The following ARIH2 variants were observed in gnomAD, a reference collection of about 807,000 sequenced individuals.
ARIH2 encodes the protein E3 ubiquitin-protein ligase ARIH2.
In ARIH2, 12 loss-of-function variants were observed where a neutral mutation model predicts 79.8. The ratio of observed to expected loss-of-function variants is 0.15; its 90% CI spans 0.10 to 0.24. The LOEUF is 0.24. Ranked by LOEUF, ARIH2 falls within the 10% of genes least tolerant of loss-of-function variation. ARIH2 has a pLI of 1.00. For missense variants in ARIH2, 301 were observed against 618.3 expected (o/e 0.49, Z 5.44); for synonymous variants, 224 against 213.9 (o/e 1.05, Z -0.41).
At chr3:48,943,620 A>G (rs2088670277) in intron 3 of ARIH2, 1 of 152,170 alleles carries the variant, frequency 6.6e-6, no homozygotes. Context: ...CTTCCTGTTT[A>G]TATAGTTTTA....
chr3:48,950,566 G>A (rs986611125), intron 3 of ARIH2, among the ~76,000 whole-genome samples: 2 of 152,098 alleles, frequency 1.3e-5, no homozygotes, highest in African/African-American at 4.8e-5. Flanking sequence ...TTATTAAAAA[G>A]CTTGTGATTT....
chr3:48,952,606 G>A (rs1389247843), intron 3 of ARIH2, among the ~76,000 whole-genome samples: 2 of 152,132 alleles, frequency 1.3e-5, no homozygotes, highest in Admixed American at 6.6e-5. Context: ...GGACACTGGA[G>A]TGGTGATGAT....
chr3:48,940,259 A>T (rs2087891599), intron 3 of ARIH2, among the ~76,000 whole-genome samples: 1 of 152,126 alleles, frequency 6.6e-6, no homozygotes, highest in South Asian at 2.1e-4. Context: ...AATCCCAGCT[A>T]CTCGGGAGGC....
chr3:48,927,484 T>A lies in ARIH2; in HGVS notation c.-75T>A. On this transcript the variant is annotated 5_prime_UTR_variant, in exon 3 of 16. The change creates a premature stop within an existing upstream ORF in the 5' untranslated region. Coordinates refer to ENST00000356401, the MANE Select transcript of ARIH2 (RefSeq NM_006321.4). ...TAGAAGACAAAAATACTAATGCATT[T>A]GAGAAAGCGGTAGTTTTGGGGGGAG... 1 of 1,543,752 alleles carries A rather than the reference T, an allele frequency of 6.5e-7. No homozygotes were observed. Among genetic ancestry groups the A allele is most frequent in the Non-Finnish European group, 8.7e-7 (1 of 1,146,212 alleles).
chr3:48,959,970 T>C lies in ARIH2; in HGVS notation c.256-1642T>C, dbSNP rs141782523. 2.0e-3 allele frequency among the ~76,000 whole-genome samples: 298 copies of C among 152,358 alleles called. 3 individuals are homozygous for C. In the Middle Eastern group the frequency reaches 0.02, roughly 10 times the overall value. ...GTGTGTCTTCCCTCTGCTGCAGTTC[T>C]TATCTGTGGACCAGGCACATACTAC... On this transcript the variant is annotated intron_variant, in intron 3 of 15. Transcript: ENST00000356401.
At chr3:48,979,910 C>A in intron 12 of ARIH2, 2 of 339,842 alleles carry the variant, frequency 5.9e-6, no homozygotes, top group Non-Finnish European at 1.1e-5. Flanking sequence ...CCATCTAGTA[C>A]CATCTTTTTT....
intron 11 of ARIH2, among the ~76,000 whole-genome samples, chr3:48,976,329 G>C (rs1159307281): frequency 6.7e-6 from 1 of 150,364 alleles, no homozygotes; most frequent in African/African-American, 2.5e-5. Flanking sequence ...TTCTCACTCC[G>C]CCTCCCCAGT....
At chr3:48,941,171 C>CAA (rs11353326) in intron 3 of ARIH2, among the ~76,000 whole-genome samples, 10 of 132,010 alleles carry the variant, frequency 7.6e-5, no homozygotes, top group Non-Finnish European at 9.7e-5. Context: ...GACTCCGTCT[C>CAA]AAAAAAAAAA....
chr3:48,958,314 C>G (rs1183863537), intron 3 of ARIH2, among the ~76,000 whole-genome samples: 2 of 152,142 alleles, frequency 1.3e-5, no homozygotes, highest in African/African-American at 4.8e-5. Flanking sequence ...AAACAAGACC[C>G]TGTCTGTAAA....
Position 48,961,574 on chromosome 3 carries a change from G to A in ARIH2, c.256-38G>A, listed in dbSNP as rs369493966. On this transcript the variant is annotated intron_variant, in intron 3 of 15. Coordinates refer to ENST00000356401, the MANE Select transcript of ARIH2 (RefSeq NM_006321.4). ...AATGCGAAACACTTTAAAAGAAAAT[G>A]CAGTTATAATTCGATTTTTTTTCTT... 685 of 1,269,806 alleles carry A rather than the reference G, an allele frequency of 5.4e-4. 7 individuals are homozygous for A. In the South Asian group the frequency reaches 7.8e-3, roughly 15 times the overall value. 78.7% of individuals were successfully genotyped at this position (1,269,806 alleles called of 1,614,324 possible). A position where few individuals can be genotyped will look rare whatever the true frequency, so the allele number is the denominator to read the frequency against.
chr3:48,944,054 T>C (rs967499293), intron 3 of ARIH2, among the ~76,000 whole-genome samples: 3 of 152,210 alleles, frequency 2.0e-5, no homozygotes, highest in African/African-American at 7.2e-5. Flanking sequence ...GGCATTCCCC[T>C]GGAAGTCTGT....
At chr3:48,978,483 AT>A (rs58279033) in intron 11 of ARIH2, among the ~76,000 whole-genome samples, 1,111 of 40,398 alleles carry the variant, frequency 0.028, 13 homozygotes, top group Admixed American at 0.055. Flanking sequence ...ATATATATAT[AT>A]TTTTTTTTTT....
At chr3:48,967,445 C>A (rs1433104891) in intron 6 of ARIH2, among the ~76,000 whole-genome samples, 170 bp downstream of exon 6, 1 of 152,108 alleles carries the variant, frequency 6.6e-6, no homozygotes, top group Admixed American at 6.6e-5. Context: ...CAAAGTTTTC[C>A]CCAGTCCTCA....
In ARIH2 at chr3:48,983,420, T is replaced by C; in HGVS notation, c.*150T>C. The C allele has an allele frequency of 1.4e-6, 1 of 699,268 alleles. No homozygotes were observed. Among genetic ancestry groups the C allele is most frequent in the East Asian group, 2.5e-5 (1 of 39,908 alleles). The allele number at this position is 699,268 out of a possible 1,614,324, so 43.3% of individuals were successfully genotyped here. ...ACACTGGCAACACCTCTTAGTTGAT[T>C]TCTGTTTTCTTCTCTTTTCACTTTT... On this transcript the variant is annotated 3_prime_UTR_variant, in exon 16 of 16. Transcript: ENST00000356401.
chr3:48,933,652 C>G (rs1469239141), intron 3 of ARIH2, among the ~76,000 whole-genome samples: 1 of 150,530 alleles, frequency 6.6e-6, no homozygotes, highest in Non-Finnish European at 1.5e-5. Context: ...CGGGTTCATA[C>G]CATTCTCCTG....
At chr3:48,956,910 T>C (rs2090659689) in intron 3 of ARIH2, among the ~76,000 whole-genome samples, 1 of 152,088 alleles carries the variant, frequency 6.6e-6, no homozygotes, top group Admixed American at 6.5e-5. Context: ...TTTCACCATG[T>C]TGGCCACAAC....
intron 2 of ARIH2, among the ~76,000 whole-genome samples, chr3:48,926,298 G>T (rs1011868447): frequency 6.6e-6 from 1 of 150,764 alleles, no homozygotes; most frequent in Non-Finnish European, 1.5e-5. Flanking sequence ...ACGGAGTTTC[G>T]CTTTTATTGC....
In ARIH2 at chr3:48,982,772, G is replaced by A. The variant is rs954528839; in HGVS notation, c.1327-124G>A. The stretch of plus-strand genomic sequence containing the variant: ...ACAGGGAATAACACTACTTTCTGAG[G>A]ACAGTATCAGGATTGTCTGTAGTTC... On this transcript the variant is annotated intron_variant, in intron 14 of 15. Coordinates refer to ENST00000356401, the MANE Select transcript of ARIH2 (RefSeq NM_006321.4). 5 of 710,968 alleles carry A rather than the reference G, an allele frequency of 7.0e-6. No homozygotes were observed. In the African/African-American group the frequency reaches 7.0e-5, roughly 10 times the overall value. 44.0% of individuals were successfully genotyped at this position (710,968 alleles called of 1,614,324 possible). A position where few individuals can be genotyped will look rare whatever the true frequency, so the allele number is the denominator to read the frequency against.
chr3:48,941,593 C>CTT (rs1421452514), intron 3 of ARIH2, among the ~76,000 whole-genome samples: 39 of 135,628 alleles, frequency 2.9e-4, no homozygotes, highest in African/African-American at 8.5e-4. Context: ...CTTTTCTTTT[C>CTT]TTTTTTTTTT....
Sources: gnomAD v4.1 joint callset for allele counts (sites outside exome capture counted in the v4.1 genomes callset) on GRCh38, gnomAD v4.1.1 for gene constraint, MANE v1.5 for transcripts, NCBI Gene and HGNC (gene_info 2026-07-23, HGNC 2026-07-21) for gene names.